Variants in MAD1L1 observed in about 807,000 individuals in gnomAD.
The protein encoded by MAD1L1 is mitotic spindle assembly checkpoint protein MAD1.
A neutral mutation model predicts 96.9 loss-of-function variants in MAD1L1; 95 were observed. The ratio of observed to expected loss-of-function variants is 0.98; its 90% CI spans 0.83 to 1.16. MAD1L1 has a LOEUF of 1.16. MAD1L1 is among the 50% of genes most tolerant of loss of function. MAD1L1 has a pLI of 0.00. For synonymous variants in MAD1L1, 473 were observed against 396.6 expected, an observed-to-expected ratio of 1.19 and a Z score of -2.29; for missense variants, 1,007 against 954.4, an observed-to-expected ratio of 1.06 and a Z score of -0.73.
intron 11 of MAD1L1, among the ~76,000 whole-genome samples, chr7:2,124,149 G>A (rs866536968): frequency 5.9e-5 from 9 of 152,340 alleles, no homozygotes; most frequent in East Asian, 5.8e-4. Flanking sequence ...CAGAGGCCAC[G>A]CCACGCCCCT....
In MAD1L1 at chr7:2,161,206, G is replaced by A. The variant is rs1021037658; in HGVS notation, c.987-11968C>T. Among the ~76,000 whole-genome samples the A allele has an allele frequency of 2.6e-5, 3 of 115,490 alleles. No homozygotes were observed. The East Asian group carries it at 7.6e-4, about 29-fold the overall frequency. 75.8% of individuals were successfully genotyped at this position (115,490 alleles called of 152,430 possible). A position where few individuals can be genotyped will look rare whatever the true frequency, so the allele number is the denominator to read the frequency against. On this transcript the variant is annotated intron_variant, in intron 10 of 18. Coordinates refer to ENST00000265854, the MANE Select transcript of MAD1L1 (RefSeq NM_001013836.2). ...CATCTCGACTCACTGCAACCTCCCT[G>A]CCTGATTCTCCTGCCTCAGCCTGCT...
intron 5 of MAD1L1, among the ~76,000 whole-genome samples, chr7:2,220,481 G>A (rs1467017526): frequency 6.6e-6 from 1 of 152,206 alleles, no homozygotes; most frequent in Non-Finnish European, 1.5e-5. Flanking sequence ...ACCCTGAGAA[G>A]CATCACTGTA....
At chr7:1,888,225 C>A (rs1436751171) in intron 18 of MAD1L1, among the ~76,000 whole-genome samples, 2 of 146,810 alleles carry the variant, frequency 1.4e-5, no homozygotes, top group African/African-American at 2.6e-5. Flanking sequence ...TGTGTGCATG[C>A]ATGCATGTAT....
intron 10 of MAD1L1, among the ~76,000 whole-genome samples, chr7:2,179,506 C>T (rs1249197003): frequency 2.1e-5 from 3 of 146,172 alleles, no homozygotes; most frequent in South Asian, 2.2e-4. Context: ...CCAGCCTGGG[C>T]GACAACAGCG....
intron 10 of MAD1L1, among the ~76,000 whole-genome samples, chr7:2,154,768 G>A (rs1331406116): frequency 6.6e-6 from 1 of 152,148 alleles, no homozygotes; most frequent in Non-Finnish European, 1.5e-5. Context: ...AGATGAAATG[G>A]TTTTGCCAAC....
chr7:2,030,643 A>G (rs1258162060), intron 12 of MAD1L1, among the ~76,000 whole-genome samples: 1 of 152,020 alleles, frequency 6.6e-6, no homozygotes, highest in African/African-American at 2.4e-5. Flanking sequence ...TCCAAAACAA[A>G]CCAGACGCCG....
chr7:1,951,438 G>A (rs1035091610), intron 16 of MAD1L1, among the ~76,000 whole-genome samples: 16 of 152,314 alleles, frequency 1.1e-4, no homozygotes, highest in Admixed American at 4.6e-4. Flanking sequence ...TGAAACGCAC[G>A]TGACAGGAAG....
chr7:2,136,156 G>A (rs1210366227), intron 11 of MAD1L1, among the ~76,000 whole-genome samples: 1 of 152,170 alleles, frequency 6.6e-6, no homozygotes, highest in Admixed American at 6.5e-5. Context: ...TGCAGACTCT[G>A]CGCAACTGTG....
rs1412953484 is a variant in MAD1L1 at position 2,012,913 on chromosome 7, G to T, written c.1359+1589C>A. 2.6e-5 allele frequency among the ~76,000 whole-genome samples: 4 copies of T among 152,360 alleles called. No individual in the cohort carries two copies. In the East Asian group the frequency reaches 7.7e-4, roughly 29 times the overall value. ...AAACCACTGAACCATCTGCCAAGCA[G>T]CTTTCTAGATGTAGTTTGGCGACCT... is the stretch of plus-strand genomic sequence containing the variant. On this transcript the variant is annotated intron_variant, in intron 13 of 18. Transcript: ENST00000265854.
At chr7:2,122,726 A>T (rs1788037997) in intron 11 of MAD1L1, among the ~76,000 whole-genome samples, 1 of 152,234 alleles carries the variant, frequency 6.6e-6, no homozygotes, top group Non-Finnish European at 1.5e-5. Flanking sequence ...CTGGCAAGTC[A>T]GCCCCAGTGC....
chr7:1,887,757 G>A (rs1786182870), intron 18 of MAD1L1, among the ~76,000 whole-genome samples: 1 of 151,344 alleles, frequency 6.6e-6, no homozygotes, highest in Non-Finnish European at 1.5e-5. Context: ...ATGTGTCCAT[G>A]TGTGCATGTG....
chr7:1,883,511 G>A (rs1041223044), intron 18 of MAD1L1, among the ~76,000 whole-genome samples: 2 of 152,212 alleles, frequency 1.3e-5, no homozygotes, highest in South Asian at 2.1e-4. Flanking sequence ...ACTGGCTGCT[G>A]CCTGAAGGCC....
chr7:1,833,309 C>T (rs1054364364), intron 18 of MAD1L1, among the ~76,000 whole-genome samples: 6 of 152,112 alleles, frequency 3.9e-5, no homozygotes, highest in African/African-American at 1.4e-4. Context: ...CTGTATCAAA[C>T]AAAGCAGATT....
intron 11 of MAD1L1, among the ~76,000 whole-genome samples, chr7:2,104,991 G>A (rs929753285): frequency 3.9e-5 from 6 of 152,288 alleles, no homozygotes; most frequent in Admixed American, 2.6e-4. Context: ...CGCACAGCCC[G>A]CCTGGAGATG....
At chr7:2,221,197 C>T (rs573534264) in intron 5 of MAD1L1, among the ~76,000 whole-genome samples, 53 of 152,024 alleles carry the variant, frequency 3.5e-4, no homozygotes, top group Non-Finnish European at 7.2e-4. Flanking sequence ...GTCTCCTGCT[C>T]CTCTGCCCCT....
At chr7:2,071,708 C>G (rs1408502822) in intron 11 of MAD1L1, among the ~76,000 whole-genome samples, 1 of 152,100 alleles carries the variant, frequency 6.6e-6, no homozygotes, top group African/African-American at 2.4e-5. Context: ...CTGACAAGGC[C>G]TCCATCAAAA....
chr7:2,041,973 A>G (rs1294248377), intron 12 of MAD1L1, among the ~76,000 whole-genome samples: 1 of 152,214 alleles, frequency 6.6e-6, no homozygotes, highest in Non-Finnish European at 1.5e-5. Context: ...AAGGCCAGAG[A>G]GAACTAGCTC....
chr7:2,183,915 AT>A (rs1276589333), intron 10 of MAD1L1, among the ~76,000 whole-genome samples: 14 of 151,558 alleles, frequency 9.2e-5, no homozygotes, highest in African/African-American at 2.2e-4. Context: ...TAATAAAAAA[AT>A]AAAAATAAAA....
chr7:2,112,234 G>A (rs1337788554), intron 11 of MAD1L1, among the ~76,000 whole-genome samples: 1 of 152,184 alleles, frequency 6.6e-6, no homozygotes, highest in Non-Finnish European at 1.5e-5. Flanking sequence ...GGGGCCGCAA[G>A]TCAGCCCCAG....
Sources: allele counts gnomAD v4.1 joint callset (sites outside exome capture counted in the v4.1 genomes callset), GRCh38; gene constraint gnomAD v4.1.1; transcripts MANE v1.5; gene names NCBI Gene and HGNC (gene_info 2026-07-23, HGNC 2026-07-21).